SLC4A4: variants seen among roughly 807,000 people sequenced by gnomAD.
SLC4A4 encodes the protein solute carrier family 4 member 4, also known as electrogenic sodium bicarbonate cotransporter 1.
SLC4A4 carries 27 observed loss-of-function variants against 111.5 expected under a neutral mutation model. The ratio of observed to expected loss-of-function variants is 0.24; its 90% CI spans 0.18 to 0.33. SLC4A4 has a LOEUF of 0.33. Among genes scored for constraint, SLC4A4 ranks in the 10% least tolerant of loss-of-function variants. The pLI is 1.00. For missense variants in SLC4A4, 909 were observed against 1,315.5 expected (o/e 0.69, Z 4.78); for synonymous variants, 443 against 463.4 (o/e 0.96, Z 0.57).
intron 1 of SLC4A4, among the ~76,000 whole-genome samples, chr4:71,193,945 G>A (rs112516562): frequency 9.9e-5 from 15 of 152,086 alleles, no homozygotes; most frequent in South Asian, 2.1e-4. Context: ...TGATAGTCTG[G>A]ATCTTCGAAA....
chr4:71,423,563 A>G (rs529201569), intron 7 of SLC4A4, among the ~76,000 whole-genome samples: 1 of 152,182 alleles, frequency 6.6e-6, no homozygotes, highest in Non-Finnish European at 1.5e-5. Flanking sequence ...ACAAAGCTGG[A>G]GGCATCACAC....
intron 3 of SLC4A4, among the ~76,000 whole-genome samples, chr4:71,280,771 T>C (rs1388415692): frequency 6.6e-6 from 1 of 152,180 alleles, no homozygotes; most frequent in Non-Finnish European, 1.5e-5. Context: ...TTTTCTCTGT[T>C]ATCTTTTAAA....
chr4:71,396,400 A>G (rs1486842911), intron 6 of SLC4A4, among the ~76,000 whole-genome samples: 1 of 152,218 alleles, frequency 6.6e-6, no homozygotes, highest in Non-Finnish European at 1.5e-5. Flanking sequence ...TTAGGGGCAG[A>G]TTTTAGTCTT....
At chr4:71,114,911 C>T (rs2148953455) in intron 2 of SLC4A4, among the ~76,000 whole-genome samples, 1 of 120,768 alleles carries the variant, frequency 8.3e-6, no homozygotes, top group Non-Finnish European at 1.7e-5. Context: ...GCATTATTCA[C>T]AATAGCAAAG....
intron 2 of SLC4A4, among the ~76,000 whole-genome samples, chr4:71,115,521 G>T (rs576412930): frequency 3.9e-5 from 6 of 152,250 alleles, no homozygotes; most frequent in Admixed American, 3.9e-4. Flanking sequence ...GAAATTTGTT[G>T]ATGTAGAATT....
chr4:71,159,208 T>C (rs1443606589), intron 2 of SLC4A4, among the ~76,000 whole-genome samples: 1 of 152,214 alleles, frequency 6.6e-6, no homozygotes, highest in African/African-American at 2.4e-5. Flanking sequence ...TAACATTGCA[T>C]TGTGGATAGC....
At chr4:71,513,488 A>G (rs1732107114) in intron 16 of SLC4A4, among the ~76,000 whole-genome samples, 1 of 152,088 alleles carries the variant, frequency 6.6e-6, no homozygotes, top group Admixed American at 6.5e-5. Context: ...GTATCCTGCA[A>G]CTGTACTAAT....
At chr4:71,113,767 G>A (rs1743160447) in intron 2 of SLC4A4, among the ~76,000 whole-genome samples, 1 of 152,116 alleles carries the variant, frequency 6.6e-6, no homozygotes, top group Admixed American at 6.5e-5. Flanking sequence ...TACTGGATTG[G>A]TATCCAAAGA....
intron 1 of SLC4A4, among the ~76,000 whole-genome samples, chr4:71,205,476 C>T (rs1267111420): frequency 6.6e-6 from 1 of 152,114 alleles, no homozygotes; most frequent in African/African-American, 2.4e-5. Flanking sequence ...GGTATATCTT[C>T]TTCATCATGA....
At chr4:71,373,166 A>G (rs1275754426) in intron 6 of SLC4A4, among the ~76,000 whole-genome samples, 2 of 152,204 alleles carry the variant, frequency 1.3e-5, no homozygotes, top group Non-Finnish European at 2.9e-5. Flanking sequence ...CTGTTCACCA[A>G]GCTTCCACTC....
intron 3 of SLC4A4, among the ~76,000 whole-genome samples, chr4:71,264,216 A>G (rs1238804246): frequency 2.0e-5 from 3 of 152,202 alleles, no homozygotes; most frequent in Non-Finnish European, 2.9e-5. Context: ...AAACAAGAGC[A>G]TAACTGGAAT....
At chr4:71,305,091 C>T (rs1231973882) in intron 3 of SLC4A4, among the ~76,000 whole-genome samples, 1 of 152,108 alleles carries the variant, frequency 6.6e-6, no homozygotes, top group Admixed American at 6.6e-5. Flanking sequence ...CTTATTTAAC[C>T]CTTATCATTT....
intron 6 of SLC4A4, among the ~76,000 whole-genome samples, chr4:71,390,028 TA>T (rs1303935145): frequency 1.3e-5 from 2 of 152,242 alleles, no homozygotes; most frequent in Non-Finnish European, 2.9e-5. Flanking sequence ...CTTAGTCTAA[TA>T]TTTAAAATAT....
At chr4:71,214,549 T>G (rs1199294521) in intron 1 of SLC4A4, among the ~76,000 whole-genome samples, 1 of 152,222 alleles carries the variant, frequency 6.6e-6, no homozygotes, top group African/African-American at 2.4e-5. Flanking sequence ...AACTGTCCCA[T>G]ATCTTTACTC....
intron 1 of SLC4A4, among the ~76,000 whole-genome samples, chr4:71,087,875 T>C (rs1742236466): frequency 1.3e-5 from 2 of 152,050 alleles, no homozygotes; most frequent in Admixed American, 1.3e-4. Context: ...GAAGAATGTA[T>C]ATTCTGTTGA....
At chr4:71,088,083 G>T (rs1427935950) in intron 1 of SLC4A4, among the ~76,000 whole-genome samples, 1 of 151,828 alleles carries the variant, frequency 6.6e-6, no homozygotes, top group Non-Finnish European at 1.5e-5. Context: ...ATGAATCTGG[G>T]TTCTCCTGTA....
At chr4:71,303,708 GT>G (rs1390244411) in intron 3 of SLC4A4, among the ~76,000 whole-genome samples, 2 of 152,100 alleles carry the variant, frequency 1.3e-5, no homozygotes, top group Non-Finnish European at 2.9e-5. Context: ...TCCCAGCTAG[GT>G]GTTTTTCACA....
At chr4:71,092,174 G>A (rs1175343858) in intron 1 of SLC4A4, among the ~76,000 whole-genome samples, 1 of 152,184 alleles carries the variant, frequency 6.6e-6, no homozygotes, top group Non-Finnish European at 1.5e-5. Context: ...ATGTAAACAT[G>A]TAAACAGGAA....
At chr4:71,313,535 C>T (rs758994885) in intron 3 of SLC4A4, among the ~76,000 whole-genome samples, 3 of 152,232 alleles carry the variant, frequency 2.0e-5, no homozygotes, top group Non-Finnish European at 2.9e-5. Context: ...TACAAGGCTA[C>T]AGTAACCAAA....
Sources: gnomAD v4.1 joint callset for allele counts (sites outside exome capture counted in the v4.1 genomes callset) on GRCh38, gnomAD v4.1.1 for gene constraint, MANE v1.5 for transcripts, NCBI Gene and HGNC (gene_info 2026-07-23, HGNC 2026-07-21) for gene names.